NR3C2: variants seen among roughly 807,000 people sequenced by gnomAD.
NR3C2 encodes nuclear receptor subfamily 3 group C member 2.
In NR3C2, 15 loss-of-function variants were observed where a neutral mutation model predicts 86.4. The observed-to-expected ratio is 0.17, with a 90% confidence interval of 0.12 to 0.27. The LOEUF is 0.27. Ranked by LOEUF, NR3C2 falls within the 10% of genes least tolerant of loss-of-function variation. NR3C2 has a pLI of 1.00. For missense variants in NR3C2, 960 were observed against 1,195.6 expected (o/e 0.80, Z 2.91); for synonymous variants, 458 against 450.5 (o/e 1.02, Z -0.21).
intron 4 of NR3C2, among the ~76,000 whole-genome samples, chr4:148,181,499 T>C (rs543811801): frequency 6.6e-6 from 1 of 152,316 alleles, no homozygotes; most frequent in East Asian, 1.9e-4. Flanking sequence ...TCATTCTTGG[T>C]CTAACGGCTG....
At chr4:148,369,489 T>C (rs1316263953) in intron 2 of NR3C2, among the ~76,000 whole-genome samples, 2 of 152,212 alleles carry the variant, frequency 1.3e-5, no homozygotes, top group Non-Finnish European at 2.9e-5. Flanking sequence ...CTTTGAGGCA[T>C]GACAAATTAG....
intron 2 of NR3C2, among the ~76,000 whole-genome samples, chr4:148,392,727 T>C (rs932401406): frequency 6.6e-6 from 1 of 152,208 alleles, no homozygotes; most frequent in Non-Finnish European, 1.5e-5. Context: ...TTTTGACCAT[T>C]GTAAAAGTAT....
At chr4:148,416,739 C>T (rs1285826940) in intron 2 of NR3C2, among the ~76,000 whole-genome samples, 1 of 152,132 alleles carries the variant, frequency 6.6e-6, no homozygotes, top group Non-Finnish European at 1.5e-5. Context: ...CATGATTAAA[C>T]AGTTTAGAAG....
chr4:148,235,881 C>T (rs1738727500), intron 3 of NR3C2, among the ~76,000 whole-genome samples: 1 of 152,190 alleles, frequency 6.6e-6, no homozygotes, highest in Admixed American at 6.5e-5. Flanking sequence ...AGCAACTAGA[C>T]TTTGTGACTA....
intron 2 of NR3C2, among the ~76,000 whole-genome samples, chr4:148,350,376 C>A (rs1373566523): frequency 6.6e-6 from 1 of 152,034 alleles, no homozygotes; most frequent in Non-Finnish European, 1.5e-5. Flanking sequence ...ACATGTAAGA[C>A]TTTTGATTAA....
At chr4:148,441,080 A>C in intron 1 of NR3C2, among the ~76,000 whole-genome samples, 1 of 152,240 alleles carries the variant, frequency 6.6e-6, no homozygotes, top group African/African-American at 2.4e-5. Context: ...TAAATGATAG[A>C]AATCTGCCCA....
chr4:148,158,192 C>T (rs1053650893), intron 4 of NR3C2, among the ~76,000 whole-genome samples: 4 of 152,168 alleles, frequency 2.6e-5, no homozygotes, highest in African/African-American at 9.7e-5. Context: ...CCAGATACTT[C>T]CGATGAATGG....
intron 3 of NR3C2, among the ~76,000 whole-genome samples, chr4:148,234,260 A>AT (rs1738621685): frequency 1.3e-5 from 2 of 152,280 alleles, no homozygotes; most frequent in South Asian, 2.1e-4. Flanking sequence ...AAGTTAAACA[A>AT]TTTTTTTATT....
rs1425278395 is a variant in NR3C2, at chr4:148,324,347, GTGTGTGTGTGTGTGTGTGTT to G, written c.1758-64250_1758-64231del. On this transcript the variant is annotated intron_variant, in intron 2 of 8. Transcript: ENST00000358102. ...AATATTCCTCTGTGTGTGTGTGTGT[GTGTGTGTGTGTGTGTGTGTT>G]TGTGTGTGTGTTCCTGTGTGTATGT... Among the ~76,000 whole-genome samples, 126 of 92,876 alleles carry G rather than the reference GTGTGTGTGTGTGTGTGTGTT, an allele frequency of 1.4e-3. 1 individual carries two copies. Among genetic ancestry groups the G allele is most frequent in the South Asian group, 7.7e-3 (15 of 1,938 alleles). 60.9% of individuals were successfully genotyped at this position (92,876 alleles called of 152,430 possible). A position where few individuals can be genotyped will look rare whatever the true frequency, so the allele number is the denominator to read the frequency against.
Position 148,085,240 on chromosome 4 carries a change from G to A in NR3C2, c.2800-3741C>T, listed in dbSNP as rs551676222. Among the ~76,000 whole-genome samples, 198 of 152,200 alleles carry A rather than the reference G, an allele frequency of 1.3e-3. 1 individual carries two copies. The highest frequency in any genetic ancestry group is 2.4e-3 in the Non-Finnish European group (164 of 68,006). On this transcript the variant is annotated intron_variant, in intron 8 of 8. Coordinates refer to ENST00000358102, the MANE Select transcript of NR3C2 (RefSeq NM_000901.5). ...TCGCACTTTTTCTAAAATTGACCAC[G>A]TAATTGGAAGTAAAACACTCCTTAG...
At chr4:148,416,440 T>G (rs1311203099) in intron 2 of NR3C2, among the ~76,000 whole-genome samples, 4 of 152,242 alleles carry the variant, frequency 2.6e-5, no homozygotes, top group Admixed American at 2.0e-4. Context: ...ATTTTACAGA[T>G]GAGAACACTG....
At chr4:148,113,957 GC>G (rs1732158198) in intron 8 of NR3C2, 146 bp downstream of exon 8, 1 of 951,362 alleles carries the variant, frequency 1.1e-6, no homozygotes, top group Admixed American at 2.0e-5. Context: ...CTCTTCTTCA[GC>G]CCCTTGGACA....
At chr4:148,227,368 T>C (rs757066813) in intron 3 of NR3C2, among the ~76,000 whole-genome samples, 4 of 152,208 alleles carry the variant, frequency 2.6e-5, no homozygotes, top group Non-Finnish European at 5.9e-5. Context: ...AGGTGGTACA[T>C]GATATTGACA....
chr4:148,325,664 C>T (rs1314149380), intron 2 of NR3C2, among the ~76,000 whole-genome samples: 1 of 152,162 alleles, frequency 6.6e-6, no homozygotes, highest in Non-Finnish European at 1.5e-5. Flanking sequence ...AATTTATTCA[C>T]CAGGGAGAGA....
intron 2 of NR3C2, among the ~76,000 whole-genome samples, chr4:148,267,611 G>T (rs1740463813): frequency 6.6e-6 from 1 of 152,056 alleles, no homozygotes; most frequent in Non-Finnish European, 1.5e-5. Flanking sequence ...ACAGAACTTT[G>T]TGTGCATATG....
chr4:148,259,933 C>T (rs1740012628), intron 3 of NR3C2, 45 bp downstream of exon 3: 1 of 1,612,516 alleles, frequency 6.2e-7, no homozygotes, highest in South Asian at 1.1e-5. Flanking sequence ...GTAAACTACA[C>T]ACTAGGAAAA....
chr4:148,311,136 C>T (rs1406491592), intron 2 of NR3C2, among the ~76,000 whole-genome samples: 2 of 152,142 alleles, frequency 1.3e-5, no homozygotes, highest in East Asian at 3.8e-4. Context: ...ATCTCTTTTG[C>T]CAACTCCTCC....
chr4:148,386,664 G>A (rs1464111872), intron 2 of NR3C2, among the ~76,000 whole-genome samples: 2 of 152,136 alleles, frequency 1.3e-5, no homozygotes, highest in African/African-American at 4.8e-5. Context: ...CAGATCTAGG[G>A]TCAGGCCCCG....
At chr4:148,155,801 C>G (rs1054315500) in intron 4 of NR3C2, among the ~76,000 whole-genome samples, 5 of 152,176 alleles carry the variant, frequency 3.3e-5, no homozygotes, top group African/African-American at 4.8e-5. Flanking sequence ...CCTGCATCGC[C>G]AAGTCAATCC....
Sources: gnomAD v4.1 joint callset for allele counts (sites outside exome capture counted in the v4.1 genomes callset) on GRCh38, gnomAD v4.1.1 for gene constraint, MANE v1.5 for transcripts, NCBI Gene and HGNC (gene_info 2026-07-23, HGNC 2026-07-21) for gene names.